The following PDXP variants were observed in gnomAD, a reference collection of about 807,000 sequenced individuals.
The protein encoded by PDXP is chronophin.
A neutral mutation model predicts 14.4 loss-of-function variants in PDXP; 15 were observed. The ratio of observed to expected loss-of-function variants is 1.04; its 90% CI spans 0.70 to 1.60. PDXP has a LOEUF of 1.60. Ranked by LOEUF, PDXP falls within the 40% of genes most tolerant of loss-of-function variation. The pLI, the probability that PDXP is intolerant of heterozygous loss-of-function variation, is 0.00. For missense variants in PDXP, 413 were observed against 427.6 expected (o/e 0.97, Z 0.30); for synonymous variants, 233 against 205.6 (o/e 1.13, Z -1.14).
At position 37,666,203 on chromosome 22, in the gene PDXP, T is replaced by C. The variant is rs529257888; in HGVS notation, c.*332T>C. On this transcript the variant is annotated 3_prime_UTR_variant, in exon 2 of 2. Transcript: ENST00000215904. ...TCCCTCTATCCCTGAGTACTTAGTCTTCTCCCCCTTCCCTGGGGCTTCTAG... is the reference window on the plus strand; with the variant it reads ...TCCCTCTATCCCTGAGTACTTAGTCCTCTCCCCCTTCCCTGGGGCTTCTAG... 34 of 378,126 alleles carry C rather than the reference T, an allele frequency of 9.0e-5. No homozygotes were observed. The South Asian group carries it at 1.1e-3, about 13-fold the overall frequency. The allele number at this position is 378,126 out of a possible 1,614,324, so 23.4% of individuals were successfully genotyped here.
At chr22:37,659,423 G>T (rs1384500868) in intron 1 of PDXP, 67 bp downstream of exon 1, 10 of 1,176,398 alleles carry the variant, frequency 8.5e-6, no homozygotes, top group Admixed American at 6.8e-5. Context: ...ACGCCTAAGG[G>T]TGAGGGGCGG....
intron 1 of PDXP, among the ~76,000 whole-genome samples, chr22:37,663,319 A>AT (rs1007338533): frequency 6.6e-6 from 1 of 151,318 alleles, no homozygotes; most frequent in African/African-American, 2.4e-5. Context: ...AAAAAAAAAA[A>AT]ATCATATAGT....
intron 1 of PDXP, among the ~76,000 whole-genome samples, chr22:37,664,185 A>G (rs1334883312): frequency 6.7e-6 from 1 of 148,848 alleles, no homozygotes; most frequent in Non-Finnish European, 1.5e-5. Flanking sequence ...CCTGCTTCAG[A>G]CTCCCAAAGT....
At chr22:37,661,268 C>T (rs1933196159) in intron 1 of PDXP, among the ~76,000 whole-genome samples, 1 of 151,232 alleles carries the variant, frequency 6.6e-6, no homozygotes, top group Admixed American at 6.6e-5. Flanking sequence ...GAGGGGGAGG[C>T]AGAGGCTTAA....
At chr22:37,659,510 G>T (rs529291932) in intron 1 of PDXP, among the ~76,000 whole-genome samples, 154 bp downstream of exon 1, 1 of 152,350 alleles carries the variant, frequency 6.6e-6, no homozygotes, top group South Asian at 2.1e-4. Flanking sequence ...TGTGGGGGGC[G>T]GTTGATCCCT....
Position 37,658,797 on chromosome 22 carries a change from G to C in PDXP, c.15G>C (p.Glu5Asp), listed in dbSNP as rs1933131659. The change falls in exon 1 of 2, where the codon GAG becomes GAC. Residue 5 changes from glutamate to aspartate, a missense_variant. Coordinates refer to ENST00000215904, the MANE Select transcript of PDXP (RefSeq NM_020315.5). MARC[E>D]RLRGAALRDV... ...CGGCCGGCTGCATGGCGCGCTGCGA[G>C]AGGCTGCGCGGAGCGGCCCTGCGCG... 4 of 1,176,932 alleles carry C rather than the reference G, an allele frequency of 3.4e-6. No individual in the cohort carries two copies. In the East Asian group the frequency reaches 1.5e-4, roughly 44 times the overall value. The allele number at this position is 1,176,932 out of a possible 1,614,324, so 72.9% of individuals were successfully genotyped here.
rs1211270099 is a variant in PDXP, at chr22:37,665,771, T to G, written c.791T>G (p.Leu264Arg). ...TVLTLTGVSR[L>R]EEAQAYLAAG... ...CTCACGCTCACAGGAGTCTCCCGCC[T>G]AGAAGAGGCCCAGGCCTACCTAGCG... Residue 264 changes from leucine (L) to arginine (R), a missense_variant, in exon 2 of 2, where the codon CTA (leucine) becomes CGA (arginine). Leu to Arg is a moderately radical substitution (Grantham distance 102). Coordinates refer to ENST00000215904, the MANE Select transcript of PDXP (RefSeq NM_020315.5). 3 of 1,613,994 alleles carry G rather than the reference T, an allele frequency of 1.9e-6. No individual in the cohort carries two copies. Among genetic ancestry groups the G allele is most frequent in the Non-Finnish European group, 2.5e-6 (3 of 1,180,048 alleles).
At chr22:37,661,917 A>ATTTTTTTT (rs763030330) in intron 1 of PDXP, among the ~76,000 whole-genome samples, 40 of 71,212 alleles carry the variant, frequency 5.6e-4, no homozygotes, top group Non-Finnish European at 8.0e-4. Flanking sequence ...TTTTTCTTTA[A>ATTTTTTTT]TTTTTTTTTT....
rs1328762425 is a variant in PDXP, at chr22:37,665,623, AG to A, written c.644del (p.Ser215ThrfsTer38). The A allele has an allele frequency of 6.2e-7, 1 of 1,613,740 alleles. No homozygotes were observed. Among genetic ancestry groups the A allele is most frequent in the African/African-American group, 1.3e-5 (1 of 74,920 alleles). Reference sequence around the variant, plus strand: ...CCAGGCCCTGGTGGTGGGCAAGCCCAGCCCCTACATGTTCGAGTGCATCACG... The same window carrying A: ...CCAGGCCCTGGTGGTGGGCAAGCCCACCCCTACATGTTCGAGTGCATCACG... ...GRQALVVGKP[S>X]PYMFECITEN... On this transcript the variant is annotated frameshift_variant, in exon 2 of 2. Transcript: ENST00000215904. LOFTEE classifies it high-confidence loss of function.
rs1370857513 is a variant in PDXP at position 37,665,963 on chromosome 22, C to T, written c.*92C>T. On this transcript the variant is annotated 3_prime_UTR_variant, in exon 2 of 2. Coordinates refer to ENST00000215904, the MANE Select transcript of PDXP (RefSeq NM_020315.5). Reference sequence around the variant, plus strand: ...GGTCACGAGCCATGTTAAGCACAACCGGCTCCTTGGTCCAGTTCTGCACCG... The same window carrying T: ...GGTCACGAGCCATGTTAAGCACAACTGGCTCCTTGGTCCAGTTCTGCACCG... 65 of 1,327,886 alleles carry T rather than the reference C, an allele frequency of 4.9e-5. No individual in the cohort carries two copies. Among genetic ancestry groups the T allele is most frequent in the East Asian group, 3.9e-4 (16 of 40,922 alleles). The allele number at this position is 1,327,886 out of a possible 1,614,324, so 82.3% of individuals were successfully genotyped here. A position where few individuals can be genotyped will look rare whatever the true frequency, so the allele number is the denominator to read the frequency against.
chr22:37,663,283 A>G (rs1385154773), intron 1 of PDXP, among the ~76,000 whole-genome samples: 17 of 149,596 alleles, frequency 1.1e-4, no homozygotes, highest in African/African-American at 4.0e-4. Flanking sequence ...AAGCCTGGGC[A>G]ACAGAGCGAG....
Position 37,665,968 on chromosome 22 carries a change from C to T in PDXP, c.*97C>T, listed in dbSNP as rs967150187. On this transcript the variant is annotated 3_prime_UTR_variant, in exon 2 of 2. Coordinates refer to ENST00000215904, the MANE Select transcript of PDXP (RefSeq NM_020315.5). ...CGAGCCATGTTAAGCACAACCGGCT[C>T]CTTGGTCCAGTTCTGCACCGGGGTG... 40 of 1,292,212 alleles carry T rather than the reference C, an allele frequency of 3.1e-5. No homozygotes were observed. Among genetic ancestry groups the T allele is most frequent in the Middle Eastern group, 4.1e-4 (2 of 4,896 alleles). The allele number at this position is 1,292,212 out of a possible 1,614,324, so 80.0% of individuals were successfully genotyped here.
At position 37,658,995 on chromosome 22, in the gene PDXP, C is replaced by T; in HGVS notation, c.213C>T (p.Arg71=). 1 of 1,200,836 alleles carries T rather than the reference C, an allele frequency of 8.3e-7. No homozygotes were observed. Among genetic ancestry groups the T allele is most frequent in the Non-Finnish European group, 1.0e-6 (1 of 964,518 alleles). 74.4% of individuals were successfully genotyped at this position (1,200,836 alleles called of 1,614,324 possible). A position where few individuals can be genotyped will look rare whatever the true frequency, so the allele number is the denominator to read the frequency against. The change falls in exon 1 of 2, where the codon CGC becomes CGT. Residue 71 remains arginine (R), a synonymous_variant. Coordinates refer to ENST00000215904, the MANE Select transcript of PDXP (RefSeq NM_020315.5). The part of the protein sequence containing the change: ...SRRARPELAL[R]FARLGFGGLR... ...GCGCGCGGCCCGAGCTGGCCCTGCG[C>T]TTCGCGCGCCTCGGCTTCGGGGGGC...
intron 1 of PDXP, among the ~76,000 whole-genome samples, chr22:37,662,804 A>G (rs955267699): frequency 6.6e-6 from 1 of 151,856 alleles, no homozygotes; most frequent in African/African-American, 2.4e-5. Flanking sequence ...CCTGGCCAAC[A>G]TGAGGAAACC....
chr22:37,661,068 C>T (rs1933193065), intron 1 of PDXP, among the ~76,000 whole-genome samples: 1 of 152,162 alleles, frequency 6.6e-6, no homozygotes, highest in African/African-American at 2.4e-5. Flanking sequence ...TCCCAGGAGG[C>T]CTCAAGGCTC....
In PDXP at chr22:37,666,005, C is replaced by G; in HGVS notation, c.*134C>G. The G allele has an allele frequency of 2.0e-6, 2 of 978,172 alleles. No individual in the cohort carries two copies. Among genetic ancestry groups the G allele is most frequent in the South Asian group, 1.7e-5 (1 of 59,110 alleles). The allele number at this position is 978,172 out of a possible 1,614,324, so 60.6% of individuals were successfully genotyped here. ...TCTGCACCGGGGTGGGGCTGGGACC[C>G]GGGGAAGGTTTGAGGGCCCTTGCAA... On this transcript the variant is annotated 3_prime_UTR_variant, in exon 2 of 2. Transcript: ENST00000215904.
chr22:37,659,137 C>T lies in PDXP; in HGVS notation c.355C>T (p.Arg119Cys), dbSNP rs1170915577. ...GTTCGTGCTGGGCGGCGAGGGGCTG[C>T]GCGCCGAGCTGCGCGCCGCGGGGCT... ...AVFVLGGEGL[R>C]AELRAAGLRL... The change falls in exon 1 of 2, where the codon CGC (arginine) becomes TGC (cysteine). Residue 119 changes from arginine (R) to cysteine (C), a missense_variant. Physicochemically the swap from Arg to Cys is radical, Grantham distance 180 (BLOSUM62 -3). Coordinates refer to ENST00000215904, the MANE Select transcript of PDXP (RefSeq NM_020315.5). 6 of 1,018,986 alleles carry T rather than the reference C, an allele frequency of 5.9e-6. No homozygotes were observed. The highest frequency in any genetic ancestry group is 5.9e-6 in the Non-Finnish European group (5 of 854,140). The allele number at this position is 1,018,986 out of a possible 1,614,324, so 63.1% of individuals were successfully genotyped here. A position where few individuals can be genotyped will look rare whatever the true frequency, so the allele number is the denominator to read the frequency against.
chr22:37,662,689 T>C (rs896691752), intron 1 of PDXP, among the ~76,000 whole-genome samples: 1 of 152,180 alleles, frequency 6.6e-6, no homozygotes, highest in East Asian at 1.9e-4. Context: ...TACCTTTGTT[T>C]TAAACATTAT....
intron 1 of PDXP, chr22:37,665,106 A>C: frequency 5.1e-6 from 1 of 194,738 alleles, no homozygotes; most frequent in Non-Finnish European, 1.1e-5. Context: ...GTTTGGAGGT[A>C]GGCATTACTT....
Sources: gnomAD v4.1 joint callset for allele counts (sites outside exome capture counted in the v4.1 genomes callset) on GRCh38, gnomAD v4.1.1 for gene constraint, MANE v1.5 for transcripts, NCBI Gene and HGNC (gene_info 2026-07-23, HGNC 2026-07-21) for gene names.